The following M1AP variants were observed in gnomAD, a reference collection of about 807,000 sequenced individuals.
M1AP encodes meiosis 1 arrest protein.
M1AP carries 39 observed loss-of-function variants against 51.2 expected under a neutral mutation model. That is an observed-to-expected ratio of 0.76 (90% CI 0.59 to 1.00). The LOEUF is 1.00. Among genes scored for constraint, M1AP ranks in the 50% least tolerant of loss-of-function variants. The pLI, the probability that M1AP is intolerant of heterozygous loss-of-function variation, is 0.00. For synonymous variants in M1AP, 251 were observed against 249.2 expected (o/e 1.01, Z -0.07); for missense variants, 545 against 641.2 (o/e 0.85, Z 1.62).
At position 74,562,241 on chromosome 2, in the gene M1AP, A is replaced by T; in HGVS notation, c.1257T>A (p.His419Gln). The change falls in exon 8 of 11, where the codon CAT (histidine) becomes CAA (glutamine). Residue 419 changes from histidine to glutamine, a missense_variant. Physicochemically the swap from His to Gln is conservative, Grantham distance 24 (BLOSUM62 0). Coordinates refer to ENST00000421985, the MANE Select transcript of M1AP (RefSeq NM_001321739.2). The part of the protein sequence containing the change: ...STFPLLPEDP[H>Q]DDSLKNVESM... Reference sequence around the variant, plus strand: ...CCTCCACATTCTTAAGGCTATCATCATGTGGGTCCTCAGGTAGCAGGGGGA... The same window carrying T: ...CCTCCACATTCTTAAGGCTATCATCTTGTGGGTCCTCAGGTAGCAGGGGGA... 1 of 1,613,490 alleles carries T rather than the reference A, an allele frequency of 6.2e-7. No individual in the cohort carries two copies. The highest frequency in any genetic ancestry group is 1.1e-5 in the South Asian group (1 of 91,042).
chr2:74,588,813 T>C (rs182621145), intron 4 of M1AP, among the ~76,000 whole-genome samples: 21 of 152,358 alleles, frequency 1.4e-4, no homozygotes, highest in Non-Finnish European at 2.2e-4. Flanking sequence ...CCCAGAACTC[T>C]TCTCAGAGAG....
At chr2:74,606,587 A>T (rs927153403) in intron 4 of M1AP, among the ~76,000 whole-genome samples, 11 of 151,674 alleles carry the variant, frequency 7.3e-5, no homozygotes, top group Middle Eastern at 3.4e-3. Context: ...ATATTAAGAG[A>T]GTGTGTGTGT....
Position 74,640,062 on chromosome 2 carries a change from G to T in M1AP, c.214C>A (p.Gln72Lys). 1 of 1,614,172 alleles carries T rather than the reference G, an allele frequency of 6.2e-7. No homozygotes were observed. Among genetic ancestry groups the T allele is most frequent in the South Asian group, 1.1e-5 (1 of 91,080 alleles). Residue 72 changes from glutamine (Q) to lysine (K), a missense_variant, in exon 2 of 11, where the codon CAG becomes AAG. By Grantham distance (53) the Gln-to-Lys change is moderately conservative. Coordinates refer to ENST00000421985, the MANE Select transcript of M1AP (RefSeq NM_001321739.2). ...ACAAAAGGGAGGATGCACTCATGCT[G>T]ATCTTGTACCATGTATAAACTGAAC... ...SLFSLYMVQD[Q>K]HECILPFVQV...
At chr2:74,558,923 C>A in intron 10 of M1AP, 49 bp from the exon 11 acceptor site, 5 of 1,525,354 alleles carry the variant, frequency 3.3e-6, no homozygotes, top group Non-Finnish European at 4.4e-6. Context: ...AGTTTCTGAG[C>A]ACCTATCCCA....
At chr2:74,570,537 A>C (rs1328319173) in intron 7 of M1AP, among the ~76,000 whole-genome samples, 1 of 152,214 alleles carries the variant, frequency 6.6e-6, no homozygotes, top group Non-Finnish European at 1.5e-5. Context: ...TTTCTCCAAA[A>C]AGAAACAGCA....
At chr2:74,579,401 G>A (rs935969014) in intron 5 of M1AP, among the ~76,000 whole-genome samples, 1 of 152,224 alleles carries the variant, frequency 6.6e-6, no homozygotes. Flanking sequence ...ATAGACCTGG[G>A]TTTATTGACA....
At chr2:74,566,515 A>G (rs1002145765) in intron 7 of M1AP, among the ~76,000 whole-genome samples, 4 of 152,158 alleles carry the variant, frequency 2.6e-5, no homozygotes, top group African/African-American at 9.7e-5. Flanking sequence ...ACATTCAGTC[A>G]TTTATTAGTG....
Position 74,559,636 on chromosome 2 carries a change from C to T in M1AP, c.1434+62G>A. 9.8e-6 allele frequency: 7 copies of T among 717,804 alleles called. No homozygotes were observed. The South Asian group carries it at 1.0e-4, about 11-fold the overall frequency. 44.5% of individuals were successfully genotyped at this position (717,804 alleles called of 1,614,324 possible). A position where few individuals can be genotyped will look rare whatever the true frequency, so the allele number is the denominator to read the frequency against. On this transcript the variant is annotated intron_variant, in intron 10 of 10. Transcript: ENST00000421985. ...TTCAACCCCAGATAGTCATGGGAGT[C>T]CTCTCAAGTTACTAATCTTGGTCAG...
At chr2:74,646,812 C>T (rs1306522218) in intron 1 of M1AP, among the ~76,000 whole-genome samples, 1 of 152,130 alleles carries the variant, frequency 6.6e-6, no homozygotes, top group African/African-American at 2.4e-5. Flanking sequence ...TATAGAACAA[C>T]TGTAATTTTT....
At chr2:74,586,635 A>G (rs974744658) in intron 4 of M1AP, among the ~76,000 whole-genome samples, 11 of 151,926 alleles carry the variant, frequency 7.2e-5, no homozygotes, top group Admixed American at 7.2e-4. Context: ...ATTTTTTTTT[A>G]AAGGATTTTC....
At chr2:74,595,462 C>T (rs1680274865) in intron 4 of M1AP, among the ~76,000 whole-genome samples, 1 of 152,156 alleles carries the variant, frequency 6.6e-6, no homozygotes, top group South Asian at 2.1e-4. Context: ...AGTGATCCTC[C>T]TGTCTCAGCC....
chr2:74,611,883 T>TTG (rs1681372204), intron 3 of M1AP, among the ~76,000 whole-genome samples: 4 of 8,430 alleles, frequency 4.7e-4, no homozygotes, highest in Non-Finnish European at 7.2e-4. Context: ...CAAAAAAGTG[T>TTG]TTTTTTTTTT....
chr2:74,564,950 G>C (rs1332361237), intron 7 of M1AP, among the ~76,000 whole-genome samples: 1 of 152,250 alleles, frequency 6.6e-6, no homozygotes, highest in East Asian at 1.9e-4. Context: ...GCCAGGCACA[G>C]TGGCTCACGC....
chr2:74,590,446 G>A (rs1221173127), intron 4 of M1AP, among the ~76,000 whole-genome samples: 1 of 151,820 alleles, frequency 6.6e-6, no homozygotes, highest in African/African-American at 2.4e-5. Flanking sequence ...TAGGGGGGGC[G>A]GGGGCGGGAT....
chr2:74,596,137 T>C (rs1680319061), intron 4 of M1AP, among the ~76,000 whole-genome samples: 1 of 152,072 alleles, frequency 6.6e-6, no homozygotes, highest in Non-Finnish European at 1.5e-5. Context: ...GTATGGTAAA[T>C]GTTAATGGAC....
At chr2:74,601,899 A>T (rs551345917) in intron 4 of M1AP, among the ~76,000 whole-genome samples, 112 of 152,324 alleles carry the variant, frequency 7.4e-4, no homozygotes, top group African/African-American at 2.5e-3. Context: ...TTCACTGTGC[A>T]GAACTGTACT....
chr2:74,596,059 G>C (rs1680313437), intron 4 of M1AP, among the ~76,000 whole-genome samples: 1 of 152,108 alleles, frequency 6.6e-6, no homozygotes, highest in Admixed American at 6.5e-5. Context: ...AGGAAAGCAA[G>C]GAAGAAAGAT....
intron 7 of M1AP, 53 bp from the exon 8 acceptor site, chr2:74,562,476 T>C: frequency 1.3e-6 from 2 of 1,597,482 alleles, no homozygotes; most frequent in African/African-American, 2.7e-5. Context: ...ATGGCATGGT[T>C]TGAGGATCAG....
intron 4 of M1AP, among the ~76,000 whole-genome samples, chr2:74,603,237 G>A (rs1348136679): frequency 6.6e-6 from 1 of 152,178 alleles, no homozygotes; most frequent in Non-Finnish European, 1.5e-5. Context: ...CAAAGTCATT[G>A]ATTCACTCAA....
Sources: gnomAD v4.1 joint callset for allele counts (sites outside exome capture counted in the v4.1 genomes callset) on GRCh38, gnomAD v4.1.1 for gene constraint, MANE v1.5 for transcripts, NCBI Gene and HGNC (gene_info 2026-07-23, HGNC 2026-07-21) for gene names.